TMEFF2: variants seen among roughly 807,000 people sequenced by gnomAD.
TMEFF2 encodes transmembrane protein with EGF like and two follistatin like domains 2, also known as tomoregulin-2.
A neutral mutation model predicts 53.8 loss-of-function variants in TMEFF2; 28 were observed. The ratio of observed to expected loss-of-function variants is 0.52; its 90% confidence interval spans 0.39 to 0.71. TMEFF2 has a LOEUF of 0.71. Ranked by LOEUF, TMEFF2 falls within the 30% of genes least tolerant of loss-of-function variation. TMEFF2 has a pLI of 0.00. For missense variants in TMEFF2, 353 were observed against 455.2 expected (o/e 0.78, Z 2.04); for synonymous variants, 162 against 166.3 (o/e 0.97, Z 0.20).
chr2:191,994,768 C>A (rs1292857498), intron 7 of TMEFF2, among the ~76,000 whole-genome samples: 2 of 151,848 alleles, frequency 1.3e-5, no homozygotes, highest in East Asian at 3.9e-4. Context: ...TAGAGACAGA[C>A]CTAACTCTAA....
intron 7 of TMEFF2, among the ~76,000 whole-genome samples, chr2:191,975,138 A>T (rs1559068416): frequency 2.0e-5 from 3 of 151,552 alleles, no homozygotes; most frequent in African/African-American, 7.2e-5. Flanking sequence ...TAATTAAAAA[A>T]ATATATAGGA....
chr2:192,070,985 A>G (rs1408467192), intron 4 of TMEFF2, among the ~76,000 whole-genome samples: 1 of 150,652 alleles, frequency 6.6e-6, no homozygotes, highest in Non-Finnish European at 1.5e-5. Context: ...GGGTCACTTC[A>G]GGGTATAGCA....
chr2:192,089,011 A>G (rs1688729657), intron 4 of TMEFF2, among the ~76,000 whole-genome samples: 1 of 152,166 alleles, frequency 6.6e-6, no homozygotes, highest in Non-Finnish European at 1.5e-5. Flanking sequence ...TGATATTTGT[A>G]TCTCTTAAGC....
At chr2:192,098,272 A>C (rs1447070823) in intron 4 of TMEFF2, among the ~76,000 whole-genome samples, 1 of 152,102 alleles carries the variant, frequency 6.6e-6, no homozygotes, top group African/African-American at 2.4e-5. Flanking sequence ...TGAAACCTTG[A>C]CCTCCCTGTT....
chr2:191,960,047 T>C (rs1016339790), intron 7 of TMEFF2, among the ~76,000 whole-genome samples: 1 of 152,118 alleles, frequency 6.6e-6, no homozygotes, highest in African/African-American at 2.4e-5. Context: ...ACTTTTTGTA[T>C]TTTTTAGCAG....
chr2:192,143,504 G>A (rs1433439216), intron 4 of TMEFF2, among the ~76,000 whole-genome samples: 1 of 152,034 alleles, frequency 6.6e-6, no homozygotes, highest in Non-Finnish European at 1.5e-5. Flanking sequence ...ATTCCTCAGT[G>A]AGTAACTATA....
At chr2:192,162,341 GAA>G (rs1223576659) in intron 4 of TMEFF2, among the ~76,000 whole-genome samples, 1 of 152,044 alleles carries the variant, frequency 6.6e-6, no homozygotes, top group Non-Finnish European at 1.5e-5. Flanking sequence ...TACCTATCAG[GAA>G]AAAAGTCTTT....
chr2:192,055,457 G>A (rs1687879250), intron 5 of TMEFF2, among the ~76,000 whole-genome samples: 1 of 152,020 alleles, frequency 6.6e-6, no homozygotes, highest in African/African-American at 2.4e-5. Flanking sequence ...AGCCATTAAG[G>A]TCCCTAGGAT....
At chr2:192,018,836 G>A (rs1370766531) in intron 5 of TMEFF2, among the ~76,000 whole-genome samples, 1 of 151,676 alleles carries the variant, frequency 6.6e-6, no homozygotes, top group African/African-American at 2.4e-5. Context: ...TTTTTTCAAG[G>A]TAGCAAAATA....
At chr2:192,145,993 G>A (rs1690242272) in intron 4 of TMEFF2, among the ~76,000 whole-genome samples, 1 of 151,914 alleles carries the variant, frequency 6.6e-6, no homozygotes, top group Non-Finnish European at 1.5e-5. Flanking sequence ...ACACTCAAAT[G>A]TTAGCAGGTG....
chr2:191,976,299 T>TC (rs1160943795), intron 7 of TMEFF2, among the ~76,000 whole-genome samples: 1 of 152,138 alleles, frequency 6.6e-6, no homozygotes, highest in African/African-American at 2.4e-5. Flanking sequence ...CATGAGAGGA[T>TC]CCATATAAAA....
chr2:192,146,677 C>T (rs1377339414), intron 4 of TMEFF2, among the ~76,000 whole-genome samples: 1 of 151,696 alleles, frequency 6.6e-6, no homozygotes, highest in Non-Finnish European at 1.5e-5. Context: ...AAGTTATTCT[C>T]CAATTGCACA....
intron 4 of TMEFF2, among the ~76,000 whole-genome samples, chr2:192,120,409 C>T (rs1001051149): frequency 3.3e-5 from 5 of 152,160 alleles, no homozygotes; most frequent in African/African-American, 1.2e-4. Context: ...ATGGGATGTA[C>T]ATTACATGCA....
chr2:192,095,121 G>C (rs963447917), intron 4 of TMEFF2, among the ~76,000 whole-genome samples: 23 of 152,134 alleles, frequency 1.5e-4, no homozygotes, highest in African/African-American at 5.1e-4. Flanking sequence ...TTTGCCATGT[G>C]GTTCTTAGTT....
intron 4 of TMEFF2, among the ~76,000 whole-genome samples, chr2:192,157,433 T>C (rs939631830): frequency 2.0e-5 from 3 of 152,020 alleles, no homozygotes; most frequent in African/African-American, 7.2e-5. Flanking sequence ...TAAAGCTTAA[T>C]AAAAACACAT....
intron 4 of TMEFF2, among the ~76,000 whole-genome samples, chr2:192,101,946 G>T (rs1002563053): frequency 7.2e-5 from 11 of 152,104 alleles, no homozygotes; most frequent in Non-Finnish European, 1.6e-4. Flanking sequence ...TCAATAAAAT[G>T]GTGGTGATGA....
At chr2:192,014,672 TTCTGA>T (rs1430677218) in intron 5 of TMEFF2, among the ~76,000 whole-genome samples, 17 of 152,234 alleles carry the variant, frequency 1.1e-4, no homozygotes, top group African/African-American at 2.4e-5. Flanking sequence ...CATTTGATTA[TTCTGA>T]TCTGACTTCC....
At chr2:192,109,288 A>G (rs1689222095) in intron 4 of TMEFF2, among the ~76,000 whole-genome samples, 1 of 152,070 alleles carries the variant, frequency 6.6e-6, no homozygotes. Flanking sequence ...GATTTTTAAA[A>G]AATCAGCAGA....
At chr2:192,165,837 T>G (rs1690752107) in intron 4 of TMEFF2, among the ~76,000 whole-genome samples, 1 of 152,186 alleles carries the variant, frequency 6.6e-6, no homozygotes, top group Non-Finnish European at 1.5e-5. Context: ...GAAATCATAC[T>G]TTTTAATTCT....
Sources: gnomAD v4.1 joint callset for allele counts (sites outside exome capture counted in the v4.1 genomes callset) on GRCh38, gnomAD v4.1.1 for gene constraint, MANE v1.5 for transcripts, NCBI Gene and HGNC (gene_info 2026-07-23, HGNC 2026-07-21) for gene names.